The following PAG1 variants were observed in gnomAD, a reference collection of about 807,000 sequenced individuals.
PAG1 encodes the protein phosphoprotein membrane anchor with glycosphingolipid microdomains 1.
A neutral mutation model predicts 31.7 loss-of-function variants in PAG1; 23 were observed. The ratio of observed to expected loss-of-function variants is 0.73; its 90% CI spans 0.52 to 1.03. The LOEUF (loss-of-function observed/expected upper bound fraction) is 1.03. Ranked by LOEUF, PAG1 falls within the 50% of genes least tolerant of loss-of-function variation. PAG1 has a pLI of 0.00. For missense variants in PAG1, 473 were observed against 540.7 expected, an observed-to-expected ratio of 0.87 and a Z score of 1.24; for synonymous variants, 214 against 210.3, an observed-to-expected ratio of 1.02 and a Z score of -0.15.
At chr8:81,092,032 A>G (rs1287809879) in intron 1 of PAG1, among the ~76,000 whole-genome samples, 1 of 151,266 alleles carries the variant, frequency 6.6e-6, no homozygotes, top group African/African-American at 2.4e-5. Flanking sequence ...AACTTGGATA[A>G]TATTAGTTTA....
intron 3 of PAG1, among the ~76,000 whole-genome samples, chr8:81,001,862 C>T (rs1168243225): frequency 6.6e-6 from 1 of 152,190 alleles, no homozygotes; most frequent in East Asian, 1.9e-4. Flanking sequence ...TTCACAACCT[C>T]CAGGCGTCTG....
intron 8 of PAG1, among the ~76,000 whole-genome samples, chr8:80,979,090 C>T (rs1369526478): frequency 1.3e-5 from 2 of 152,144 alleles, no homozygotes; most frequent in African/African-American, 4.8e-5. Flanking sequence ...TTTATTTTTC[C>T]TCTTTGTCCT....
intron 3 of PAG1, among the ~76,000 whole-genome samples, chr8:81,004,469 C>T (rs540589592): frequency 2.8e-4 from 42 of 152,210 alleles, no homozygotes; most frequent in Non-Finnish European, 4.6e-4. Flanking sequence ...TAAATACCTA[C>T]TATGTGCCAG....
chr8:81,084,314 C>T (rs931219321), intron 1 of PAG1, among the ~76,000 whole-genome samples: 2 of 152,122 alleles, frequency 1.3e-5, no homozygotes, highest in Non-Finnish European at 2.9e-5. Flanking sequence ...TTAGAAACCT[C>T]ATTAAGTAAG....
At chr8:81,067,866 C>A (rs1212822212) in intron 2 of PAG1, 5 of 152,212 alleles carry the variant, frequency 3.3e-5, no homozygotes, top group African/African-American at 1.2e-4. Flanking sequence ...TCAAGAAACA[C>A]ACTTATTTGT....
intron 2 of PAG1, among the ~76,000 whole-genome samples, chr8:81,049,492 C>T (rs1808691913): frequency 6.6e-6 from 1 of 152,066 alleles, no homozygotes; most frequent in African/African-American, 2.4e-5. Flanking sequence ...TACAATTATA[C>T]CTAAATAAAT....
At chr8:81,039,501 A>G (rs1808518085) in intron 2 of PAG1, 1 of 152,224 alleles carries the variant, frequency 6.6e-6, no homozygotes, top group Non-Finnish European at 1.5e-5. Flanking sequence ...CAGAGGGAAC[A>G]CGGCCCTGCC....
chr8:81,030,684 C>T (rs944037163), intron 2 of PAG1, among the ~76,000 whole-genome samples: 11 of 152,214 alleles, frequency 7.2e-5, no homozygotes, highest in Admixed American at 3.3e-4. Context: ...ACATGGGCGA[C>T]TTCCCTCGCT....
At position 80,984,922 on chromosome 8, in the gene PAG1, T is replaced by TCTC. The variant is rs1386046496; in HGVS notation, c.727_729dup (p.Glu243dup). The TCTC allele has an allele frequency of 1.2e-6, 2 of 1,614,036 alleles. No homozygotes were observed. Among genetic ancestry groups the TCTC allele is most frequent in the Non-Finnish European group, 1.7e-6 (2 of 1,180,018 alleles). On this transcript the variant is annotated inframe_insertion, in exon 7 of 9. Transcript: ENST00000220597. ...GGATCACATGAATTTCCAAGGATAC[T>TCTC]CTCTACATTAACACTTTGACGACAT...
At chr8:81,042,919 C>T (rs1049202091) in intron 2 of PAG1, among the ~76,000 whole-genome samples, 8 of 152,110 alleles carry the variant, frequency 5.3e-5, no homozygotes, top group African/African-American at 9.7e-5. Flanking sequence ...TCTCATCTCA[C>T]GGCACTGTTT....
At chr8:81,007,071 T>C (rs1425753562) in intron 3 of PAG1, among the ~76,000 whole-genome samples, 1 of 152,158 alleles carries the variant, frequency 6.6e-6, no homozygotes, top group Non-Finnish European at 1.5e-5. Context: ...TTCTCTATGC[T>C]ACGTTTTCAC....
rs181913034 is a variant in PAG1 at position 80,991,433 on chromosome 8, C to T, written c.177+46G>A. The T allele has an allele frequency of 8.7e-6, 13 of 1,488,058 alleles. No individual in the cohort carries two copies. In the East Asian group the frequency reaches 2.9e-4, roughly 34 times the overall value. 92.2% of individuals were successfully genotyped at this position (1,488,058 alleles called of 1,614,324 possible). On this transcript the variant is annotated intron_variant, in intron 5 of 8. Coordinates refer to ENST00000220597, the MANE Select transcript of PAG1 (RefSeq NM_018440.4). ...CACACTTAGATAAGTAGCTGATGTT[C>T]TGGAGCACGCACGGACAGACAGGCA... is the stretch of plus-strand genomic sequence containing the variant.
rs554932519 is a variant in PAG1, at chr8:80,974,152, G to GTTTTTTTTTTTTTTTTTTTT, written c.*2372_*2391dup. 1 of 115,378 alleles carries GTTTTTTTTTTTTTTTTTTTT rather than the reference G, an allele frequency of 8.7e-6. No homozygotes were observed. Among genetic ancestry groups the GTTTTTTTTTTTTTTTTTTTT allele is most frequent in the Non-Finnish European group, 1.7e-5 (1 of 57,806 alleles). 7.1% of individuals were successfully genotyped at this position (115,378 alleles called of 1,614,324 possible). On this transcript the variant is annotated 3_prime_UTR_variant, in exon 9 of 9. Transcript: ENST00000220597. ...ATTATTTATGAGCTTTCTATAAAAAGTTTTTTTTTTTTTTTTTTTTTTACT... is the reference window on the plus strand; with the variant it reads ...ATTATTTATGAGCTTTCTATAAAAAGTTTTTTTTTTTTTTTTTTTTTTTTTTTTTTTTTTTTTTTTTTACT...
rs1056052777 is a variant in PAG1, at chr8:80,968,984, C to G, written c.*7560G>C. 6.6e-6 allele frequency: 1 copy of G among 152,282 alleles called. No homozygotes were observed. The highest frequency in any genetic ancestry group is 1.5e-5 in the Non-Finnish European group (1 of 68,036). 9.4% of individuals were successfully genotyped at this position (152,282 alleles called of 1,614,324 possible). A position where few individuals can be genotyped will look rare whatever the true frequency, so the allele number is the denominator to read the frequency against. On this transcript the variant is annotated 3_prime_UTR_variant, in exon 9 of 9. Transcript: ENST00000220597. ...ACTAGAGTCAACTATACGGTTGATA[C>G]TCGAAGCAAATAAAAAGATAATTTT...
chr8:81,060,904 G>C (rs564224815), intron 2 of PAG1, among the ~76,000 whole-genome samples: 58 of 152,196 alleles, frequency 3.8e-4, no homozygotes, highest in Non-Finnish European at 7.6e-4. Flanking sequence ...ATTTGCTTGT[G>C]TTAACCTGAC....
intron 1 of PAG1, among the ~76,000 whole-genome samples, chr8:81,103,656 C>T (rs1809645275): frequency 6.6e-6 from 1 of 152,176 alleles, no homozygotes; most frequent in Admixed American, 6.5e-5. Flanking sequence ...ATATTTTACT[C>T]AGCATACATC....
chr8:81,100,961 A>C (rs1193989048), intron 1 of PAG1, among the ~76,000 whole-genome samples: 2 of 152,236 alleles, frequency 1.3e-5, no homozygotes, highest in African/African-American at 2.4e-5. Flanking sequence ...GCTGTTCATT[A>C]TGAATTGTAT....
Position 81,014,693 on chromosome 8 carries a change from G to A in PAG1, c.-81+15303C>T, listed in dbSNP as rs941399411. Among the ~76,000 whole-genome samples, 3 of 152,166 alleles carry A rather than the reference G, an allele frequency of 2.0e-5. No individual in the cohort carries two copies. The South Asian group carries it at 6.2e-4, about 32-fold the overall frequency. On this transcript the variant is annotated intron_variant, in intron 3 of 8. Coordinates refer to ENST00000220597, the MANE Select transcript of PAG1 (RefSeq NM_018440.4). ...CATTATTAAGGAAATAAGGAAGGAG[G>A]CTTGTAGCTTCAGAAGCTTCCCCTG... is the stretch of plus-strand genomic sequence containing the variant.
intron 1 of PAG1, among the ~76,000 whole-genome samples, chr8:81,071,456 A>T (rs1177833752): frequency 6.6e-6 from 1 of 152,230 alleles, no homozygotes; most frequent in Non-Finnish European, 1.5e-5. Context: ...ATTATGGCTC[A>T]ACAACACTGT....
Sources: gnomAD v4.1 joint callset for allele counts (sites outside exome capture counted in the v4.1 genomes callset) on GRCh38, gnomAD v4.1.1 for gene constraint, MANE v1.5 for transcripts, NCBI Gene and HGNC (gene_info 2026-07-23, HGNC 2026-07-21) for gene names.